Variants in HEATR5B observed in about 807,000 individuals in gnomAD.
HEATR5B encodes HEAT repeat containing 5B.
In HEATR5B, 156 loss-of-function variants were observed where a neutral mutation model predicts 224.1. The observed-to-expected ratio is 0.70, with a 90% CI of 0.61 to 0.80. HEATR5B has a LOEUF of 0.80. HEATR5B is among the 30% of genes least tolerant of loss of function. The probability of loss-of-function intolerance (pLI) is 0.00; values close to 1 mark genes in which losing one functional copy is unlikely to be tolerated. For synonymous variants in HEATR5B, 1,027 were observed against 893.0 expected (o/e 1.15, Z -2.68); for missense variants, 2,323 against 2,535.5 (o/e 0.92, Z 1.80).
intron 11 of HEATR5B, among the ~76,000 whole-genome samples, chr2:37,061,091 T>C (rs1671254607): frequency 6.6e-6 from 1 of 152,190 alleles, no homozygotes; most frequent in Non-Finnish European, 1.5e-5. Context: ...AGACACATTC[T>C]ATGAGGTCTT....
chr2:36,985,037 CAT>C (rs1284659045), intron 35 of HEATR5B, among the ~76,000 whole-genome samples: 1 of 152,074 alleles, frequency 6.6e-6, no homozygotes, highest in Non-Finnish European at 1.5e-5. Flanking sequence ...GGTGAAAAAA[CAT>C]ATACTGCCCA....
chr2:36,987,873 A>T (rs956601675), intron 35 of HEATR5B, among the ~76,000 whole-genome samples: 2 of 152,080 alleles, frequency 1.3e-5, no homozygotes, highest in African/African-American at 4.8e-5. Context: ...GGAGTCAGAG[A>T]CCAACCTGGG....
intron 18 of HEATR5B, among the ~76,000 whole-genome samples, chr2:37,048,867 C>A (rs980332347): frequency 6.6e-6 from 1 of 152,162 alleles, no homozygotes; most frequent in Non-Finnish European, 1.5e-5. Flanking sequence ...GGCAATAATT[C>A]AGAAAATACA....
intron 33 of HEATR5B, among the ~76,000 whole-genome samples, chr2:36,992,122 C>T (rs1666371735): frequency 2.0e-5 from 3 of 152,008 alleles, no homozygotes; most frequent in African/African-American, 7.2e-5. Context: ...TGCTTGGATC[C>T]GGGAAGCAGA....
chr2:37,080,420 T>G (rs1365830896), intron 2 of HEATR5B, among the ~76,000 whole-genome samples: 18 of 152,212 alleles, frequency 1.2e-4, no homozygotes, highest in Non-Finnish European at 2.6e-4. Flanking sequence ...AGATGAGAGA[T>G]AATAGCGGTA....
At chr2:37,014,513 T>A (rs1446212001) in intron 26 of HEATR5B, among the ~76,000 whole-genome samples, 1 of 152,024 alleles carries the variant, frequency 6.6e-6, no homozygotes, top group Non-Finnish European at 1.5e-5. Context: ...TACTCCTACG[T>A]AGAAAACAAA....
intron 35 of HEATR5B, among the ~76,000 whole-genome samples, chr2:36,982,444 G>T (rs1359268143): frequency 6.6e-6 from 1 of 152,098 alleles, no homozygotes; most frequent in Admixed American, 6.6e-5. Flanking sequence ...TCCATCCTGG[G>T]ATATAAGTTT....
rs941731496 is a variant in HEATR5B at position 37,062,026 on chromosome 2, G to C, written c.1609C>G (p.Leu537Val). ...CTATTTTGGGCAGCAGTTCGTAAAA[G>C]ATCTTCAGCAATACTAACTACCATC... is the stretch of plus-strand genomic sequence containing the variant. ...GKMVVSIAED[L>V]LRTAAQNSRL... Residue 537 changes from leucine (L) to valine (V), a missense_variant, in exon 11 of 36, where the codon CTT (leucine) becomes GTT (valine). Physicochemically the swap from Leu to Val is conservative, Grantham distance 32. Coordinates refer to ENST00000233099, the MANE Select transcript of HEATR5B (RefSeq NM_019024.3). 4.3e-6 allele frequency: 7 copies of C among 1,612,502 alleles called. No homozygotes were observed. The highest frequency in any genetic ancestry group is 5.9e-6 in the Non-Finnish European group (7 of 1,178,572).
rs1473549748 is a variant in HEATR5B at position 37,005,666 on chromosome 2, G to A, written c.4871C>T (p.Ser1624Phe). Residue 1624 changes from serine to phenylalanine, a missense_variant, in exon 30 of 36, where the codon TCC (serine) becomes TTC (phenylalanine). Physicochemically the swap from Ser to Phe is radical, Grantham distance 155. Coordinates refer to ENST00000233099, the MANE Select transcript of HEATR5B (RefSeq NM_019024.3). ...TGCAATATGGACTCGAGCATAAGGG[G>A]AGTCTAGCAAGGTATGTAAGGCCTG... Reference protein sequence around the residue: ...CLQALHTLLDSPYARVHIAED... With the variant: ...CLQALHTLLDFPYARVHIAED... 9.9e-6 allele frequency: 16 copies of A among 1,613,420 alleles called. No individual in the cohort carries two copies. The highest frequency in any genetic ancestry group is 1.3e-5 in the African/African-American group (1 of 74,914).
At chr2:37,031,650 G>A (rs1216082112) in intron 22 of HEATR5B, among the ~76,000 whole-genome samples, 1 of 151,848 alleles carries the variant, frequency 6.6e-6, no homozygotes. Flanking sequence ...CTGTCTACTG[G>A]TAGATTTTTA....
intron 30 of HEATR5B, among the ~76,000 whole-genome samples, chr2:37,004,968 T>C (rs1247808675): frequency 6.6e-6 from 1 of 152,294 alleles, no homozygotes; most frequent in African/African-American, 2.4e-5. Context: ...GCTGACAGAA[T>C]GATCCTTCTG....
At chr2:37,041,087 A>C in intron 19 of HEATR5B, 46 bp downstream of exon 19, 2 of 1,530,644 alleles carry the variant, frequency 1.3e-6, no homozygotes, top group Non-Finnish European at 8.9e-7. Context: ...TAATTTTCCA[A>C]AAAATTTTCT....
intron 2 of HEATR5B, among the ~76,000 whole-genome samples, chr2:37,082,045 G>A (rs1177634387): frequency 1.2e-5 from 1 of 84,114 alleles, no homozygotes; most frequent in Admixed American, 1.7e-4. Context: ...TTTGAGGGAA[G>A]TATCTACTTT....
In HEATR5B at chr2:36,981,508, T is replaced by C; in HGVS notation, c.6198A>G (p.Leu2066=). The change falls in exon 36 of 36, where the codon CTA becomes CTG. Residue 2066 remains leucine (L), a synonymous_variant. Transcript: ENST00000233099. ...PAIHSAPTIK[L]KTSFF ...TTACAAATTAAAAAAAACTTGTTTT[T>C]AGCTTAATTGTTGGTGCAGAATGTA... The C allele has an allele frequency of 6.3e-7, 1 of 1,594,890 alleles. No individual in the cohort carries two copies. Among genetic ancestry groups the C allele is most frequent in the South Asian group, 1.1e-5 (1 of 87,730 alleles).
intron 7 of HEATR5B, among the ~76,000 whole-genome samples, chr2:37,069,958 C>T (rs889338475): frequency 2.0e-4 from 29 of 145,064 alleles, no homozygotes; most frequent in African/African-American, 7.2e-4. Flanking sequence ...AGTGCAGTGG[C>T]GCAATCTTGG....
Position 37,027,972 on chromosome 2 carries a change from A to G in HEATR5B, c.3804T>C (p.Ala1268=). The change falls in exon 24 of 36, where the codon GCT becomes GCC. Residue 1268 remains alanine, a synonymous_variant. Coordinates refer to ENST00000233099, the MANE Select transcript of HEATR5B (RefSeq NM_019024.3). The part of the protein sequence containing the change: ...IINLCENADQ[A]HFDLALARSA... Reference sequence around the variant, plus strand: ...AACGTGCCAAGGCAAGATCAAAGTGAGCCTGGTCTGCATTCTCACACAAAT... The same window carrying G: ...AACGTGCCAAGGCAAGATCAAAGTGGGCCTGGTCTGCATTCTCACACAAAT... 1 of 1,614,218 alleles carries G rather than the reference A, an allele frequency of 6.2e-7. No individual in the cohort carries two copies. The highest frequency in any genetic ancestry group is 8.5e-7 in the Non-Finnish European group (1 of 1,180,032).
intron 33 of HEATR5B, among the ~76,000 whole-genome samples, chr2:36,991,728 C>T (rs1036711981): frequency 6.6e-6 from 1 of 152,116 alleles, no homozygotes; most frequent in African/African-American, 2.4e-5. Flanking sequence ...TAAAACTGAT[C>T]CCTATCTTTT....
At chr2:36,999,982 A>G (rs1666982867) in intron 33 of HEATR5B, among the ~76,000 whole-genome samples, 1 of 151,952 alleles carries the variant, frequency 6.6e-6, no homozygotes, top group Non-Finnish European at 1.5e-5. Flanking sequence ...ACTGCACTAC[A>G]GTCTGGGTGA....
At chr2:36,983,373 CAAA>C (rs57119983) in intron 35 of HEATR5B, among the ~76,000 whole-genome samples, 30,684 of 139,730 alleles carry the variant, frequency 0.22, 4,033 homozygotes, top group East Asian at 0.66. Context: ...ACTAAAAATA[CAAA>C]AAAAAAAAAA....
Sources: gnomAD v4.1 joint callset for allele counts (sites outside exome capture counted in the v4.1 genomes callset) on GRCh38, gnomAD v4.1.1 for gene constraint, MANE v1.5 for transcripts, NCBI Gene and HGNC (gene_info 2026-07-23, HGNC 2026-07-21) for gene names.